The following RBMS3 variants were observed in gnomAD, a reference collection of about 807,000 sequenced individuals.
RBMS3 encodes RNA binding motif single stranded interacting protein 3, also known as RNA-binding motif, single-stranded-interacting protein 3.
RBMS3 carries 27 observed loss-of-function variants against 66.8 expected under a neutral mutation model. The observed-to-expected ratio is 0.40, with a 90% confidence interval of 0.30 to 0.56. The LOEUF is 0.56. RBMS3 is among the 20% of genes least tolerant of loss of function. The pLI, the probability that RBMS3 is intolerant of heterozygous loss-of-function variation, is 0.40. For missense variants in RBMS3, 513 were observed against 549.5 expected, an observed-to-expected ratio of 0.93 and a Z score of 0.66; for synonymous variants, 188 against 183.0, an observed-to-expected ratio of 1.03 and a Z score of -0.22.
At position 29,500,553 on chromosome 3, in the gene RBMS3, G is replaced by A. The variant is rs141560962; in HGVS notation, c.307+12054G>A. On this transcript the variant is annotated intron_variant, in intron 3 of 14. Coordinates refer to ENST00000383767, the MANE Select transcript of RBMS3 (RefSeq NM_001003793.3). The stretch of plus-strand genomic sequence containing the variant: ...CAGTTGTCCCATAGGATTATACCAT[G>A]TTTTTACTGTACCTTTTCTATGTTT... 3.9e-3 allele frequency among the ~76,000 whole-genome samples: 597 copies of A among 151,906 alleles called. 2 individuals are homozygous for A. Among genetic ancestry groups the A allele is most frequent in the Non-Finnish European group, 6.6e-3 (446 of 67,928 alleles).
intron 1 of RBMS3, among the ~76,000 whole-genome samples, chr3:29,316,498 A>G (rs1308060401): frequency 6.6e-6 from 1 of 151,676 alleles, no homozygotes; most frequent in Non-Finnish European, 1.5e-5. Flanking sequence ...ACTTTCTTGT[A>G]AAGGACCAGA....
At position 29,885,347 on chromosome 3, in the gene RBMS3, AT is replaced by A. The variant is rs2059845629; in HGVS notation, c.791+1142del. 2.0e-5 allele frequency among the ~76,000 whole-genome samples: 3 copies of A among 152,046 alleles called. No individual in the cohort carries two copies. The South Asian group carries it at 6.2e-4, about 32-fold the overall frequency. ...ATATCTTTTCATATATCCAATAGGCATTTACTTATTTCCAACAAAATTCTAT... is the reference window on the plus strand; with the variant it reads ...ATATCTTTTCATATATCCAATAGGCATTACTTATTTCCAACAAAATTCTAT... On this transcript the variant is annotated intron_variant, in intron 8 of 14. Coordinates refer to ENST00000383767, the MANE Select transcript of RBMS3 (RefSeq NM_001003793.3).
intron 4 of RBMS3, among the ~76,000 whole-genome samples, chr3:29,664,248 T>C (rs2050666735): frequency 6.6e-6 from 1 of 152,040 alleles, no homozygotes; most frequent in East Asian, 1.9e-4. Context: ...CCAACACTTT[T>C]GGAGGCCAAG....
intron 4 of RBMS3, among the ~76,000 whole-genome samples, chr3:29,734,023 C>T (rs1559617486): frequency 6.6e-6 from 1 of 152,018 alleles, no homozygotes; most frequent in Non-Finnish European, 1.5e-5. Flanking sequence ...TGTACACACA[C>T]ACCCACACAC....
intron 3 of RBMS3, among the ~76,000 whole-genome samples, chr3:29,555,624 A>G (rs1487498648): frequency 6.6e-6 from 1 of 152,198 alleles, no homozygotes; most frequent in African/African-American, 2.4e-5. Flanking sequence ...TAGAATCTCA[A>G]GAAATCAGAA....
rs556804875 is a variant in RBMS3, at chr3:29,818,373, A to AT, written c.638-50479dup. Among the ~76,000 whole-genome samples, 19 of 151,054 alleles carry AT rather than the reference A, an allele frequency of 1.3e-4. No individual in the cohort carries two copies. The South Asian group carries it at 3.6e-3, about 28-fold the overall frequency. ...AAACTGTGAGACGATGTTTTTTTAC[A>AT]TTTTTTGTCCATGTGTGTATTTTTT... On this transcript the variant is annotated intron_variant, in intron 6 of 14. Coordinates refer to ENST00000383767, the MANE Select transcript of RBMS3 (RefSeq NM_001003793.3).
intron 10 of RBMS3, chr3:29,925,159 T>A (rs2060901293): frequency 1.3e-5 from 2 of 152,240 alleles, no homozygotes; most frequent in Admixed American, 6.5e-5. Flanking sequence ...CTTTAATTTT[T>A]AAACTAATTA....
chr3:29,454,784 A>G (rs550000609), intron 2 of RBMS3, among the ~76,000 whole-genome samples: 1 of 152,328 alleles, frequency 6.6e-6, no homozygotes, highest in South Asian at 2.1e-4. Flanking sequence ...AGAAACCTTA[A>G]TGTTGTAGCC....
intron 4 of RBMS3, among the ~76,000 whole-genome samples, chr3:29,601,450 T>G (rs376324825): frequency 1.4e-4 from 21 of 152,060 alleles, no homozygotes; most frequent in African/African-American, 4.8e-4. Context: ...GGTTTGAAAC[T>G]TTTCAAATGG....
At chr3:29,967,685 A>G (rs1696945101) in intron 12 of RBMS3, among the ~76,000 whole-genome samples, 2 of 152,098 alleles carry the variant, frequency 1.3e-5, no homozygotes, top group Admixed American at 1.3e-4. Flanking sequence ...ATTCTTCCTG[A>G]TTTAAGCTAG....
chr3:29,590,062 T>C (rs2047672027), intron 4 of RBMS3, among the ~76,000 whole-genome samples: 1 of 150,760 alleles, frequency 6.6e-6, no homozygotes, highest in Admixed American at 6.7e-5. Context: ...TCTGTATACT[T>C]ACTGTTCTGC....
At chr3:29,308,988 A>G (rs2034204702) in intron 1 of RBMS3, among the ~76,000 whole-genome samples, 3 of 151,794 alleles carry the variant, frequency 2.0e-5, no homozygotes, top group African/African-American at 7.2e-5. Flanking sequence ...AGAGCTAAGT[A>G]GAGAACTTGG....
chr3:29,415,223 T>G (rs4680833), intron 1 of RBMS3, among the ~76,000 whole-genome samples: 16,013 of 152,282 alleles, frequency 0.11, 1,169 homozygotes, highest in East Asian at 0.29. Context: ...ACAAGCAAAC[T>G]GTAGATACCG....
chr3:29,423,461 G>T (rs2040829579), intron 1 of RBMS3, among the ~76,000 whole-genome samples: 1 of 152,178 alleles, frequency 6.6e-6, no homozygotes, highest in Admixed American at 6.5e-5. Flanking sequence ...CCTACTTCTT[G>T]AGTGTGGGAG....
At chr3:29,762,813 A>G (rs2055751963) in intron 5 of RBMS3, 97 bp from the exon 6 acceptor site, 1 of 857,350 alleles carries the variant, frequency 1.2e-6, no homozygotes, top group South Asian at 1.6e-5. Flanking sequence ...ACAATTCTCA[A>G]ATCAAGTATT....
chr3:29,478,079 T>C (rs184290274), intron 2 of RBMS3, among the ~76,000 whole-genome samples: 77 of 152,020 alleles, frequency 5.1e-4, no homozygotes, highest in African/African-American at 1.7e-3. Context: ...CAAAGACAAT[T>C]TGGAGGAGGT....
intron 10 of RBMS3, among the ~76,000 whole-genome samples, chr3:29,925,743 AAT>A (rs1175857518): frequency 6.6e-6 from 1 of 152,184 alleles, no homozygotes; most frequent in African/African-American, 2.4e-5. Flanking sequence ...GGCAGGCTCT[AAT>A]TTAGTGGGGC....
At chr3:29,363,202 C>T (rs574464700) in intron 1 of RBMS3, among the ~76,000 whole-genome samples, 2 of 152,228 alleles carry the variant, frequency 1.3e-5, no homozygotes, top group South Asian at 4.1e-4. Context: ...GTGTGTTATT[C>T]AGAAAGTTGG....
chr3:29,534,005 T>C (rs2045460870), intron 3 of RBMS3, among the ~76,000 whole-genome samples: 1 of 152,204 alleles, frequency 6.6e-6, no homozygotes, highest in Non-Finnish European at 1.5e-5. Context: ...TTCATGGAAA[T>C]GTAAACACAA....
Sources: allele counts gnomAD v4.1 joint callset (sites outside exome capture counted in the v4.1 genomes callset), GRCh38; gene constraint gnomAD v4.1.1; transcripts MANE v1.5; gene names NCBI Gene and HGNC (gene_info 2026-07-23, HGNC 2026-07-21).